ADAMTSL1: variants seen among roughly 807,000 people sequenced by gnomAD.
The protein encoded by ADAMTSL1 is ADAMTS-like protein 1.
ADAMTSL1 carries 126 observed loss-of-function variants against 201.8 expected under a neutral mutation model. The ratio of observed to expected loss-of-function variants is 0.62; its 90% CI spans 0.54 to 0.72. ADAMTSL1 has a LOEUF of 0.72. ADAMTSL1 is among the 30% of genes least tolerant of loss of function. ADAMTSL1 has a pLI of 0.00. For synonymous variants in ADAMTSL1, 1,121 were observed against 903.4 expected, an observed-to-expected ratio of 1.24 and a Z score of -4.32; for missense variants, 2,679 against 2,277.8, an observed-to-expected ratio of 1.18 and a Z score of -3.59.
chr9:18,294,767 A>G (rs897264575), intron 2 of ADAMTSL1, among the ~76,000 whole-genome samples: 1 of 152,226 alleles, frequency 6.6e-6, no homozygotes, highest in Non-Finnish European at 1.5e-5. Flanking sequence ...ATAAAGTCAC[A>G]TAATAAATAA....
intron 3 of ADAMTSL1, among the ~76,000 whole-genome samples, chr9:18,553,144 T>A (rs985322165): frequency 1.1e-4 from 16 of 151,370 alleles, no homozygotes; most frequent in Non-Finnish European, 2.2e-4. Flanking sequence ...TACTTTCTGA[T>A]CTCTAGTTGG....
chr9:18,506,475 G>A (rs563238166), intron 2 of ADAMTSL1, among the ~76,000 whole-genome samples: 2 of 152,314 alleles, frequency 1.3e-5, no homozygotes, highest in South Asian at 4.1e-4. Context: ...TGATGTGTAT[G>A]TCAGCTTGAG....
intron 1 of ADAMTSL1, among the ~76,000 whole-genome samples, chr9:18,026,019 G>C (rs963046171): frequency 1.3e-5 from 2 of 151,872 alleles, no homozygotes. Context: ...TTGTAAATGG[G>C]ATTGCATCCT....
chr9:18,786,444 T>C (rs1029768153), intron 19 of ADAMTSL1, among the ~76,000 whole-genome samples: 3 of 152,244 alleles, frequency 2.0e-5, no homozygotes, highest in Non-Finnish European at 1.5e-5. Flanking sequence ...AGTCTACTTT[T>C]ATCTCTCTGA....
At chr9:18,047,679 C>G (rs1266707405) in intron 1 of ADAMTSL1, among the ~76,000 whole-genome samples, 3 of 152,032 alleles carry the variant, frequency 2.0e-5, no homozygotes, top group Non-Finnish European at 2.9e-5. Flanking sequence ...CTGAACCCAG[C>G]TGATCAGAGA....
chr9:18,904,988 T>G (rs73425262), intron 26 of ADAMTSL1, among the ~76,000 whole-genome samples: 1 of 152,064 alleles, frequency 6.6e-6, no homozygotes, highest in Non-Finnish European at 1.5e-5. Flanking sequence ...ACAAAACTTT[T>G]GCTTATACTG....
At chr9:18,033,409 T>C (rs1034136993) in intron 1 of ADAMTSL1, among the ~76,000 whole-genome samples, 1 of 152,198 alleles carries the variant, frequency 6.6e-6, no homozygotes, top group Admixed American at 6.5e-5. Context: ...AAGAAATCAC[T>C]AAAGTTTACT....
At chr9:18,490,700 G>C (rs898069730) in intron 1 of ADAMTSL1, among the ~76,000 whole-genome samples, 1 of 152,152 alleles carries the variant, frequency 6.6e-6, no homozygotes, top group African/African-American at 2.4e-5. Context: ...AGAAAAGGCA[G>C]GGGACAAAAC....
chr9:18,048,449 A>G (rs1220127351), intron 1 of ADAMTSL1, among the ~76,000 whole-genome samples: 1 of 152,160 alleles, frequency 6.6e-6, no homozygotes, highest in Non-Finnish European at 1.5e-5. Flanking sequence ...TATGGGCTTT[A>G]ATACTGCTAT....
At chr9:18,177,053 T>C (rs1326320467) in intron 2 of ADAMTSL1, among the ~76,000 whole-genome samples, 1 of 152,220 alleles carries the variant, frequency 6.6e-6, no homozygotes, top group African/African-American at 2.4e-5. Context: ...TGCCTTTTAA[T>C]GGATTTGAGC....
At chr9:18,237,105 A>G (rs1201549505) in intron 2 of ADAMTSL1, among the ~76,000 whole-genome samples, 13 of 152,242 alleles carry the variant, frequency 8.5e-5, no homozygotes, top group Admixed American at 8.5e-4. Context: ...ATAAACAAAC[A>G]TCACTAATGT....
intron 2 of ADAMTSL1, among the ~76,000 whole-genome samples, chr9:18,323,841 A>G (rs1834722418): frequency 6.6e-6 from 1 of 152,192 alleles, no homozygotes; most frequent in Non-Finnish European, 1.5e-5. Context: ...GGCCTAAATA[A>G]ATGGAAAGAT....
intron 2 of ADAMTSL1, among the ~76,000 whole-genome samples, chr9:18,356,337 CACCAGGG>C (rs1439610061): frequency 6.6e-6 from 1 of 152,002 alleles, no homozygotes; most frequent in Non-Finnish European, 1.5e-5. Flanking sequence ...GGTGGGGTTT[CACCAGGG>C]ACCCGCCCCT....
intron 1 of ADAMTSL1, among the ~76,000 whole-genome samples, chr9:17,954,141 C>T (rs1050290262): frequency 6.6e-6 from 1 of 152,172 alleles, no homozygotes; most frequent in African/African-American, 2.4e-5. Flanking sequence ...CTTCATGTGG[C>T]TAGCTTGGAC....
intron 13 of ADAMTSL1, among the ~76,000 whole-genome samples, chr9:18,702,286 T>C (rs1209193540): frequency 6.6e-6 from 1 of 152,240 alleles, no homozygotes; most frequent in Non-Finnish European, 1.5e-5. Flanking sequence ...ACAGGCCATG[T>C]AGACATACAC....
intron 2 of ADAMTSL1, among the ~76,000 whole-genome samples, chr9:18,447,199 A>C (rs1427996203): frequency 2.6e-5 from 4 of 152,176 alleles, no homozygotes; most frequent in Admixed American, 1.3e-4. Context: ...ATAGTAATGA[A>C]AGTCAGTGTG....
At chr9:18,876,327 T>TGTGC (rs1040861055) in intron 23 of ADAMTSL1, among the ~76,000 whole-genome samples, 1 of 151,374 alleles carries the variant, frequency 6.6e-6, no homozygotes, top group Admixed American at 6.6e-5. Context: ...TGTGTGTGTG[T>TGTGC]GTGCGTGATT....
At chr9:18,631,402 G>A (rs762689680) in intron 5 of ADAMTSL1, among the ~76,000 whole-genome samples, 22 of 152,264 alleles carry the variant, frequency 1.4e-4, no homozygotes, top group Admixed American at 5.9e-4. Flanking sequence ...AAACCGTCAC[G>A]AAGATGTAAA....
intron 4 of ADAMTSL1, among the ~76,000 whole-genome samples, chr9:18,619,656 T>C (rs1825909502): frequency 6.6e-6 from 1 of 152,136 alleles, no homozygotes; most frequent in Admixed American, 6.5e-5. Flanking sequence ...TTTGGAACCG[T>C]AAGAAATCTT....
Sources: allele counts gnomAD v4.1 joint callset (sites outside exome capture counted in the v4.1 genomes callset), GRCh38; gene constraint gnomAD v4.1.1; transcripts MANE v1.5; gene names NCBI Gene and HGNC (gene_info 2026-07-23, HGNC 2026-07-21).